CSMD3: variants seen among roughly 807,000 people sequenced by gnomAD.
The protein encoded by CSMD3 is CUB and Sushi multiple domains 3.
A neutral mutation model predicts 435.2 loss-of-function variants in CSMD3; 177 were observed. The observed-to-expected ratio is 0.41, with a 90% CI of 0.36 to 0.46. The LOEUF is 0.46. Ranked by LOEUF, CSMD3 falls within the 20% of genes least tolerant of loss-of-function variation. The probability of loss-of-function intolerance (pLI) is 0.34; values close to 1 mark genes in which losing one functional copy is unlikely to be tolerated. For missense variants in CSMD3, 4,265 were observed against 4,504.6 expected, an observed-to-expected ratio of 0.95 and a Z score of 1.52; for synonymous variants, 1,656 against 1,520.5, an observed-to-expected ratio of 1.09 and a Z score of -2.07.
chr8:112,951,668 G>T (rs1208609536), intron 8 of CSMD3, among the ~76,000 whole-genome samples: 1 of 151,642 alleles, frequency 6.6e-6, no homozygotes, highest in Non-Finnish European at 1.5e-5. Flanking sequence ...ATCCTTAAGG[G>T]TTGAAAATAT....
chr8:112,947,327 A>C (rs559599876), intron 9 of CSMD3, among the ~76,000 whole-genome samples: 1 of 151,962 alleles, frequency 6.6e-6, no homozygotes. Flanking sequence ...CTGAAGTTAT[A>C]ATTACACAAT....
At chr8:112,808,959 G>A (rs569222211) in intron 12 of CSMD3, among the ~76,000 whole-genome samples, 1 of 152,182 alleles carries the variant, frequency 6.6e-6, no homozygotes, top group East Asian at 1.9e-4. Context: ...TCTATAAGAT[G>A]AATGGAACTC....
At chr8:113,076,755 T>A (rs2089354465) in intron 5 of CSMD3, among the ~76,000 whole-genome samples, 1 of 152,132 alleles carries the variant, frequency 6.6e-6, no homozygotes. Flanking sequence ...GCAAAAGAAC[T>A]ATAAAACTAT....
At chr8:113,368,866 G>A (rs1298071838) in intron 1 of CSMD3, among the ~76,000 whole-genome samples, 1 of 151,980 alleles carries the variant, frequency 6.6e-6, no homozygotes, top group Non-Finnish European at 1.5e-5. Flanking sequence ...TGAAGGTAAT[G>A]TTTTCTGGGG....
In CSMD3 at chr8:112,528,813, C is replaced by G. The variant is rs539395802; in HGVS notation, c.4565-11588G>C. Among the ~76,000 whole-genome samples the G allele has an allele frequency of 1.8e-3, 273 of 152,224 alleles. 1 individual carries two copies. Among genetic ancestry groups the G allele is most frequent in the African/African-American group, 6.1e-3 (252 of 41,556 alleles). On this transcript the variant is annotated intron_variant, in intron 27 of 70. Transcript: ENST00000297405. The stretch of plus-strand genomic sequence containing the variant: ...TAATCAGGAAGCGATTCACTCCTAG[C>G]TCCCAGCTTCTCCCAGAGGAGAAAG...
chr8:112,481,302 C>G (rs1199055818), intron 31 of CSMD3, among the ~76,000 whole-genome samples: 2 of 152,110 alleles, frequency 1.3e-5, no homozygotes, highest in Non-Finnish European at 2.9e-5. Flanking sequence ...GGGAGAAATG[C>G]TACTTGAATG....
At chr8:112,679,245 T>G (rs2075834005) in intron 16 of CSMD3, among the ~76,000 whole-genome samples, 1 of 152,108 alleles carries the variant, frequency 6.6e-6, no homozygotes, top group Non-Finnish European at 1.5e-5. Context: ...CTACCTGAGT[T>G]AGTTATAGAG....
chr8:112,608,636 T>C (rs1195377560), intron 22 of CSMD3, among the ~76,000 whole-genome samples: 1 of 151,938 alleles, frequency 6.6e-6, no homozygotes, highest in Non-Finnish European at 1.5e-5. Context: ...TTTTATATAA[T>C]TTATATATGT....
intron 31 of CSMD3, among the ~76,000 whole-genome samples, chr8:112,491,381 G>A (rs1820676088): frequency 6.6e-6 from 1 of 152,098 alleles, no homozygotes; most frequent in Non-Finnish European, 1.5e-5. Flanking sequence ...TCGGCCGGGT[G>A]CAGTGGCTCA....
At chr8:113,393,594 C>T (rs990153966) in intron 1 of CSMD3, among the ~76,000 whole-genome samples, 38 of 151,998 alleles carry the variant, frequency 2.5e-4, no homozygotes, top group African/African-American at 8.5e-4. Flanking sequence ...CACCAATTCT[C>T]GTTAAGTTAC....
At chr8:112,968,087 T>C (rs1035478584) in intron 7 of CSMD3, among the ~76,000 whole-genome samples, 4 of 151,646 alleles carry the variant, frequency 2.6e-5, no homozygotes, top group Middle Eastern at 6.3e-3. Flanking sequence ...ATGTGGGCAT[T>C]GGGCCCAGAA....
chr8:113,400,378 C>T (rs757533392), intron 1 of CSMD3, among the ~76,000 whole-genome samples: 14 of 152,058 alleles, frequency 9.2e-5, no homozygotes, highest in Middle Eastern at 3.4e-3. Context: ...ATACTAGGGA[C>T]GCAGAATAAA....
intron 42 of CSMD3, among the ~76,000 whole-genome samples, chr8:112,338,754 GATATTCTACACAAAAA>G (rs1366678548): frequency 5.9e-5 from 9 of 152,040 alleles, no homozygotes; most frequent in African/African-American, 2.2e-4. Context: ...CATTTTAATT[GATATTCTACACAAAAA>G]ATATTCTACA....
At chr8:112,295,804 C>A (rs781096949) in intron 54 of CSMD3, 29 bp downstream of exon 54, 1 of 1,604,344 alleles carries the variant, frequency 6.2e-7, no homozygotes, top group Non-Finnish European at 8.5e-7. Context: ...GATCAGAGGT[C>A]TCTAATTGCT....
intron 1 of CSMD3, among the ~76,000 whole-genome samples, chr8:113,363,996 TTG>T (rs887943384): frequency 4.6e-5 from 7 of 152,300 alleles, no homozygotes; most frequent in African/African-American, 1.7e-4. Context: ...TCTTACAGAT[TTG>T]TGTTTCACAT....
chr8:112,460,419 A>G (rs1466157030), intron 32 of CSMD3, among the ~76,000 whole-genome samples: 1 of 151,932 alleles, frequency 6.6e-6, no homozygotes, highest in African/African-American at 2.4e-5. Flanking sequence ...CCCTACACTA[A>G]GAACAGCAAA....
chr8:112,994,839 A>C (rs1715514684), intron 6 of CSMD3, among the ~76,000 whole-genome samples: 1 of 151,604 alleles, frequency 6.6e-6, no homozygotes, highest in Non-Finnish European at 1.5e-5. Context: ...CACATGATGG[A>C]GAATGTTGAC....
intron 3 of CSMD3, among the ~76,000 whole-genome samples, chr8:113,188,586 G>A (rs1203079909): frequency 2.0e-5 from 3 of 151,936 alleles, no homozygotes; most frequent in Non-Finnish European, 4.4e-5. Flanking sequence ...CCCTTCTAGA[G>A]TAATGCTCAA....
chr8:112,247,202 G>T, intron 63 of CSMD3, 71 bp from the exon 64 acceptor site: 1 of 888,316 alleles, frequency 1.1e-6, no homozygotes, highest in Non-Finnish European at 1.9e-6. Flanking sequence ...CAGAGCTTGA[G>T]TGAGAAAATG....
Sources: gnomAD v4.1 joint callset for allele counts (sites outside exome capture counted in the v4.1 genomes callset) on GRCh38, gnomAD v4.1.1 for gene constraint, MANE v1.5 for transcripts, NCBI Gene and HGNC (gene_info 2026-07-23, HGNC 2026-07-21) for gene names.